PAPOLG: variants seen among roughly 807,000 people sequenced by gnomAD.
The protein encoded by PAPOLG is poly(A) polymerase gamma, also known as PAP-gamma.
Under a neutral mutation model 99.0 loss-of-function variants are expected in PAPOLG, and 40 were observed. That is an observed-to-expected ratio of 0.40 (90% CI 0.31 to 0.53). The LOEUF (loss-of-function observed/expected upper bound fraction) is 0.53. Ranked by LOEUF, PAPOLG falls within the 20% of genes least tolerant of loss-of-function variation. The pLI is 0.41. For missense variants in PAPOLG, 675 were observed against 884.1 expected (o/e 0.76, Z 3.00); for synonymous variants, 310 against 299.3 (o/e 1.04, Z -0.37).
chr2:60,795,273 G>A (rs531623940), intron 21 of PAPOLG: 1 of 603,516 alleles, frequency 1.7e-6, no homozygotes, highest in Non-Finnish European at 3.1e-6. Context: ...TTCACCCTTT[G>A]TTTTTTATCT....
At chr2:60,778,690 AG>A (rs1210832028) in intron 8 of PAPOLG, among the ~76,000 whole-genome samples, 1 of 152,192 alleles carries the variant, frequency 6.6e-6, no homozygotes, top group Non-Finnish European at 1.5e-5. Context: ...TGGACAGTGC[AG>A]GTCTAAAAAG....
chr2:60,763,498 A>G (rs984857904), intron 3 of PAPOLG, among the ~76,000 whole-genome samples: 1 of 151,864 alleles, frequency 6.6e-6, no homozygotes, highest in African/African-American at 2.4e-5. Flanking sequence ...TATTTTGAAT[A>G]TAATTGTTTT....
intron 12 of PAPOLG, 132 bp from the exon 13 acceptor site, chr2:60,783,024 A>G: frequency 2.2e-6 from 2 of 922,192 alleles, no homozygotes; most frequent in Non-Finnish European, 3.1e-6. Context: ...GAGCACATTT[A>G]ATTTTCATAA....
intron 3 of PAPOLG, among the ~76,000 whole-genome samples, chr2:60,764,831 A>G (rs1380379828): frequency 6.6e-6 from 1 of 152,198 alleles, no homozygotes; most frequent in Non-Finnish European, 1.5e-5. Context: ...TGAGTCTCCT[A>G]AAGACTACAG....
In PAPOLG at chr2:60,780,691, G is replaced by A; in HGVS notation, c.834-16G>A. The A allele has an allele frequency of 6.2e-7, 1 of 1,613,258 alleles. No homozygotes were observed. Among genetic ancestry groups the A allele is most frequent in the Non-Finnish European group, 8.5e-7 (1 of 1,179,358 alleles). Reference sequence around the variant, plus strand: ...AGTGAGATCATGTGTAAGTTAATTTGCCTTATTCATGTCAGGGAATGGCCA... The same window carrying A: ...AGTGAGATCATGTGTAAGTTAATTTACCTTATTCATGTCAGGGAATGGCCA... On this transcript the variant is annotated splice_polypyrimidine_tract_variant and intron_variant, in intron 9 of 21. Coordinates refer to ENST00000238714, the MANE Select transcript of PAPOLG (RefSeq NM_022894.4).
At chr2:60,765,960 G>C (rs1047381377) in intron 3 of PAPOLG, among the ~76,000 whole-genome samples, 1 of 151,932 alleles carries the variant, frequency 6.6e-6, no homozygotes, top group Admixed American at 6.5e-5. Flanking sequence ...TAAAAAATCT[G>C]ATTAATTTAC....
Position 60,794,792 on chromosome 2 carries a change from T to G in PAPOLG, c.2055+17T>G, listed in dbSNP as rs1298269393. ...AAATCAGTGGTAAATATATTAATAG[T>G]GTGCTTCAGAATATTTATTGTAAAG... On this transcript the variant is annotated intron_variant, in intron 20 of 21. Transcript: ENST00000238714. 10 of 1,578,854 alleles carry G rather than the reference T, an allele frequency of 6.3e-6. No individual in the cohort carries two copies. The highest frequency in any genetic ancestry group is 5.4e-5 in the African/African-American group (4 of 74,088).
intron 6 of PAPOLG, 44 bp from the exon 7 acceptor site, chr2:60,771,475 G>T: frequency 6.4e-7 from 1 of 1,561,052 alleles, no homozygotes; most frequent in South Asian, 1.2e-5. Context: ...TGGATTAAAA[G>T]GAGAAAATGT....
intron 15 of PAPOLG, among the ~76,000 whole-genome samples, chr2:60,791,258 A>G (rs1042965830): frequency 3.3e-5 from 5 of 152,132 alleles, no homozygotes; most frequent in Admixed American, 6.5e-5. Context: ...TGGAAAAACT[A>G]TTGGATTCAT....
intron 12 of PAPOLG, 73 bp from the exon 13 acceptor site, chr2:60,783,083 A>G: frequency 3.0e-6 from 4 of 1,336,616 alleles, no homozygotes; most frequent in South Asian, 1.6e-5. Context: ...GAGGGAAAAA[A>G]GGGGATGATT....
intron 1 of PAPOLG, among the ~76,000 whole-genome samples, chr2:60,757,192 C>T (rs555377369): frequency 6.6e-5 from 10 of 152,330 alleles, no homozygotes; most frequent in Non-Finnish European, 1.5e-5. Flanking sequence ...CCACCCATTT[C>T]TCCCAAAACG....
At position 60,787,774 on chromosome 2, in the gene PAPOLG, G is replaced by A. The variant is rs11688923; in HGVS notation, c.1396+154G>A. ...TTGCTGTTAAAACAGGAAAGGAGCC[G>A]GGTGCGGTGGCTAATGCCTGTAATC... On this transcript the variant is annotated intron_variant, in intron 15 of 21. Transcript: ENST00000238714. Among the ~76,000 whole-genome samples the A allele has an allele frequency of 1.2e-3, 178 of 152,302 alleles. 1 individual carries two copies. Among genetic ancestry groups the A allele is most frequent in the Middle Eastern group, 3.4e-3 (1 of 294 alleles).
chr2:60,787,476 A>C (rs1558710544), intron 14 of PAPOLG, 35 bp from the exon 15 acceptor site: 1 of 1,570,320 alleles, frequency 6.4e-7, no homozygotes, highest in African/African-American at 1.4e-5. Flanking sequence ...AAAAATAATA[A>C]TAATTAATGG....
Position 60,797,191 on chromosome 2 carries a change from C to CA in PAPOLG, c.*33dup. ...GTGCCTCCTCACTTAAGTGAACAAG[C>CA]AATCATTTAGTGGCATAGATGCAGC... is the stretch of plus-strand genomic sequence containing the variant. On this transcript the variant is annotated 3_prime_UTR_variant, in exon 22 of 22. Transcript: ENST00000238714. 6.2e-7 allele frequency: 1 copy of CA among 1,611,292 alleles called. No homozygotes were observed. The highest frequency in any genetic ancestry group is 1.3e-5 in the African/African-American group (1 of 74,978).
chr2:60,795,484 ATT>A (rs1352447600), intron 21 of PAPOLG: 2 of 198,222 alleles, frequency 1.0e-5, no homozygotes, highest in African/African-American at 4.7e-5. Flanking sequence ...CTAAATTGTA[ATT>A]TAAATGTTTA....
chr2:60,771,530 C>G lies in PAPOLG; in HGVS notation c.504C>G (p.Val168=), dbSNP rs747418946. ...FEFDGIEIDL[V]FARLAIQTIS... is the part of the protein sequence containing the mutation. Reference sequence around the variant, plus strand: ...ACATCTTTCCAAAGATTGATCTAGTCTTTGCAAGACTGGCAATACAAACCA... The same window carrying G: ...ACATCTTTCCAAAGATTGATCTAGTGTTTGCAAGACTGGCAATACAAACCA... The change falls in exon 7 of 22, where the codon GTC becomes GTG. Residue 168 remains valine (V), a synonymous_variant. Coordinates refer to ENST00000238714, the MANE Select transcript of PAPOLG (RefSeq NM_022894.4). 1.3e-6 allele frequency: 2 copies of G among 1,586,374 alleles called. No individual in the cohort carries two copies. The highest frequency in any genetic ancestry group is 2.7e-5 in the African/African-American group (2 of 73,004).
intron 6 of PAPOLG, among the ~76,000 whole-genome samples, chr2:60,770,797 G>C (rs1670830175): frequency 6.6e-6 from 1 of 151,968 alleles, no homozygotes; most frequent in South Asian, 2.1e-4. Context: ...CTAATTTTTT[G>C]TATTTTTAGT....
At chr2:60,789,680 G>A (rs1671472422) in intron 15 of PAPOLG, among the ~76,000 whole-genome samples, 1 of 152,138 alleles carries the variant, frequency 6.6e-6, no homozygotes, top group Non-Finnish European at 1.5e-5. Context: ...TATAAATTTG[G>A]GGTTATTTAT....
chr2:60,774,918 C>G, intron 7 of PAPOLG, 116 bp from the exon 8 acceptor site: 2 of 1,490,796 alleles, frequency 1.3e-6, no homozygotes, highest in South Asian at 2.6e-5. Flanking sequence ...AAAATAAGCC[C>G]CAATGTTTTA....
Sources: allele counts gnomAD v4.1 joint callset (sites outside exome capture counted in the v4.1 genomes callset), GRCh38; gene constraint gnomAD v4.1.1; transcripts MANE v1.5; gene names NCBI Gene and HGNC (gene_info 2026-07-23, HGNC 2026-07-21).